SSH2: variants seen among roughly 807,000 people sequenced by gnomAD.
SSH2 encodes slingshot protein phosphatase 2, also known as protein phosphatase Slingshot homolog 2.
In SSH2, 37 loss-of-function variants were observed where a neutral mutation model predicts 135.2. The ratio of observed to expected loss-of-function variants is 0.27; its 90% CI spans 0.21 to 0.36. The LOEUF is 0.36. Ranked by LOEUF, SSH2 falls within the 10% of genes least tolerant of loss-of-function variation. SSH2 has a pLI of 1.00. For synonymous variants in SSH2, 628 were observed against 646.2 expected (o/e 0.97, Z 0.43); for missense variants, 1,408 against 1,765.3 (o/e 0.80, Z 3.63).
At chr17:29,812,613 G>A (rs1390228912) in intron 2 of SSH2, among the ~76,000 whole-genome samples, 4 of 152,160 alleles carry the variant, frequency 2.6e-5, no homozygotes, top group South Asian at 2.1e-4. Flanking sequence ...CATGCCAGCC[G>A]GGCGCGATGG....
In SSH2 at chr17:29,667,158, T is replaced by A. The variant is rs778352729; in HGVS notation, c.875A>T (p.Lys292Met). 6.8e-6 allele frequency: 11 copies of A among 1,613,740 alleles called. No homozygotes were observed. Among genetic ancestry groups the A allele is most frequent in the Non-Finnish European group, 9.3e-6 (11 of 1,179,704 alleles). The change falls in exon 10 of 16, where the codon AAG (lysine) becomes ATG (methionine). Residue 292 changes from lysine to methionine, a missense_variant. By Grantham distance (95) the Lys-to-Met change is moderately conservative (BLOSUM62 -1). Around this residue, in one of 3 missense-constraint regions of SSH2, gnomAD observed 106 missense variants for 265.2 expected, o/e 0.40. Transcript: ENST00000540801. Reference sequence around the variant, plus strand: ...TTTGGATGTAATATTCTCCAAATCCTTCTGCATCATGATCTCCCTTAATTT... The same window carrying A: ...TTTGGATGTAATATTCTCCAAATCCATCTGCATCATGATCTCCCTTAATTT... ...KTKLREIMMQ[K>M]DLENITSKEI...
chr17:29,775,224 T>C lies in SSH2; in HGVS notation c.188+18670A>G, dbSNP rs2041671593. On this transcript the variant is annotated intron_variant, in intron 3 of 15. Coordinates refer to ENST00000540801, the MANE Select transcript of SSH2 (RefSeq NM_001282129.2). Reference sequence around the variant, plus strand: ...GACCTTGAGGATGAAAAATGAAGAATGCATGAGATCTGGCAGCCTAGAAGG... The same window carrying C: ...GACCTTGAGGATGAAAAATGAAGAACGCATGAGATCTGGCAGCCTAGAAGG... Among the ~76,000 whole-genome samples the C allele has an allele frequency of 2.6e-5, 4 of 151,934 alleles. No homozygotes were observed. In the South Asian group the frequency reaches 6.2e-4, roughly 24 times the overall value.
At chr17:29,905,713 G>A (rs1229687577) in intron 1 of SSH2, among the ~76,000 whole-genome samples, 1 of 152,182 alleles carries the variant, frequency 6.6e-6, no homozygotes, top group Non-Finnish European at 1.5e-5. Context: ...CCTCAGGCCA[G>A]GGAGGGCCTG....
At chr17:29,885,930 T>C (rs2066229756) in intron 1 of SSH2, among the ~76,000 whole-genome samples, 1 of 152,202 alleles carries the variant, frequency 6.6e-6, no homozygotes, top group South Asian at 2.1e-4. Flanking sequence ...TAAAACTCTT[T>C]CCTTTATAAA....
intron 3 of SSH2, among the ~76,000 whole-genome samples, chr17:29,782,794 C>T (rs2041868654): frequency 6.6e-6 from 1 of 152,192 alleles, no homozygotes; most frequent in Non-Finnish European, 1.5e-5. Flanking sequence ...CCATGTTGGC[C>T]AGGCTGGTCT....
At chr17:29,635,945 A>G in intron 15 of SSH2, 23 bp downstream of exon 15, 1 of 1,547,548 alleles carries the variant, frequency 6.5e-7, no homozygotes, top group Non-Finnish European at 8.8e-7. Context: ...CATTAGGCGG[A>G]AAACTATAAA....
intron 9 of SSH2, among the ~76,000 whole-genome samples, chr17:29,668,998 C>T (rs2037383452): frequency 6.6e-6 from 1 of 152,072 alleles, no homozygotes; most frequent in African/African-American, 2.4e-5. Flanking sequence ...CCTATAATCC[C>T]AGCACTTTGG....
At chr17:29,793,279 GAGGGTA>G (rs1281290826) in intron 3 of SSH2, among the ~76,000 whole-genome samples, 3 of 152,122 alleles carry the variant, frequency 2.0e-5, no homozygotes, top group Non-Finnish European at 4.4e-5. Context: ...TCCATGAGAA[GAGGGTA>G]AAAATATTTC....
At chr17:29,695,099 T>C (rs1428371582) in intron 5 of SSH2, among the ~76,000 whole-genome samples, 1 of 152,180 alleles carries the variant, frequency 6.6e-6, no homozygotes, top group Admixed American at 6.5e-5. Flanking sequence ...TCCTTCCCTA[T>C]GTGTGTTTTT....
intron 3 of SSH2, among the ~76,000 whole-genome samples, chr17:29,711,135 A>G (rs1419169602): frequency 6.6e-6 from 1 of 152,122 alleles, no homozygotes. Context: ...AGAGCTTAGG[A>G]CTCTGGTTCT....
intron 1 of SSH2, among the ~76,000 whole-genome samples, chr17:29,886,792 G>A (rs572122373): frequency 2.6e-5 from 4 of 151,368 alleles, no homozygotes; most frequent in African/African-American, 7.3e-5. Context: ...GACTGATGAT[G>A]TGATAGAAAA....
At chr17:29,687,508 G>A (rs1156589807) in intron 5 of SSH2, among the ~76,000 whole-genome samples, 1 of 152,160 alleles carries the variant, frequency 6.6e-6, no homozygotes, top group Non-Finnish European at 1.5e-5. Flanking sequence ...CTAAGATCTA[G>A]AAGGCTGGGA....
At chr17:29,688,339 T>G (rs1264458363) in intron 5 of SSH2, among the ~76,000 whole-genome samples, 1 of 152,128 alleles carries the variant, frequency 6.6e-6, no homozygotes, top group African/African-American at 2.4e-5. Context: ...TTTTATAATA[T>G]CAAAAGCATT....
chr17:29,635,553 G>T (rs58345142), intron 15 of SSH2, among the ~76,000 whole-genome samples: 1 of 121,406 alleles, frequency 8.2e-6, no homozygotes, highest in Non-Finnish European at 1.7e-5. Context: ...TACAGGCGCC[G>T]CCCGCCACCA....
At chr17:29,868,494 T>C (rs1164754419) in intron 1 of SSH2, among the ~76,000 whole-genome samples, 1 of 152,062 alleles carries the variant, frequency 6.6e-6, no homozygotes, top group African/African-American at 2.4e-5. Context: ...TCCTAGCAGT[T>C]TGGGAGGCCG....
chr17:29,651,730 T>C (rs2094894010), intron 12 of SSH2, among the ~76,000 whole-genome samples: 1 of 152,182 alleles, frequency 6.6e-6, no homozygotes, highest in South Asian at 2.1e-4. Flanking sequence ...AAAGCAGCCA[T>C]AGCTAACCAA....
At chr17:29,745,050 CTA>C (rs980123320) in intron 3 of SSH2, among the ~76,000 whole-genome samples, 3 of 152,108 alleles carry the variant, frequency 2.0e-5, no homozygotes, top group African/African-American at 7.2e-5. Context: ...CCTAAATAAA[CTA>C]TGTAAAATCT....
chr17:29,698,473 C>T (rs2038852263), intron 4 of SSH2, among the ~76,000 whole-genome samples: 1 of 152,118 alleles, frequency 6.6e-6, no homozygotes, highest in African/African-American at 2.4e-5. Flanking sequence ...AGTTAAGCAA[C>T]TGAGGATACT....
chr17:29,744,323 C>T (rs2040680639), intron 3 of SSH2, among the ~76,000 whole-genome samples: 1 of 152,122 alleles, frequency 6.6e-6, no homozygotes, highest in Admixed American at 6.5e-5. Flanking sequence ...GGCTGGGGTC[C>T]CTCTCTGGCA....
Sources: allele counts gnomAD v4.1 joint callset (sites outside exome capture counted in the v4.1 genomes callset), GRCh38; gene constraint gnomAD v4.1.1; regional missense constraint gnomAD v4.1.1; transcripts MANE v1.5; gene names NCBI Gene and HGNC (gene_info 2026-07-23, HGNC 2026-07-21).